The following COL13A1 variants were observed in gnomAD, a reference collection of about 807,000 sequenced individuals.
COL13A1 encodes collagen alpha-1(XIII) chain.
Under a neutral mutation model 130.9 loss-of-function variants are expected in COL13A1, and 89 were observed. The observed-to-expected ratio is 0.68, with a 90% CI of 0.57 to 0.81. The LOEUF is 0.81. Among genes scored for constraint, COL13A1 ranks in the 30% least tolerant of loss-of-function variants. COL13A1 has a pLI of 0.00. For synonymous variants in COL13A1, 402 were observed against 341.6 expected, an observed-to-expected ratio of 1.18 and a Z score of -1.95; for missense variants, 879 against 934.6, an observed-to-expected ratio of 0.94 and a Z score of 0.78.
chr10:69,951,442 C>T (rs2069550633), intron 38 of COL13A1, among the ~76,000 whole-genome samples: 1 of 152,108 alleles, frequency 6.6e-6, no homozygotes, highest in African/African-American at 2.4e-5. Flanking sequence ...TGACTGCTGC[C>T]TCAAACTCTT....
chr10:69,882,307 A>T (rs2060219081), intron 7 of COL13A1, among the ~76,000 whole-genome samples: 1 of 152,174 alleles, frequency 6.6e-6, no homozygotes, highest in South Asian at 2.1e-4. Context: ...TCAGCAAATT[A>T]TGTCAACAGG....
Position 69,861,004 on chromosome 10 carries a change from A to T in COL13A1, c.365-6794A>T, listed in dbSNP as rs374705388. On this transcript the variant is annotated intron_variant, in intron 2 of 40. Transcript: ENST00000645393. ...GTTTTGTTGGGAGGAGAAAGGGAGA[A>T]TGGACGCAGAGGAGGTAACCAAGAA... is the stretch of plus-strand genomic sequence containing the variant. Among the ~76,000 whole-genome samples, 59 of 152,300 alleles carry T rather than the reference A, an allele frequency of 3.9e-4. 1 individual carries two copies. Among genetic ancestry groups the T allele is most frequent in the East Asian group, 3.1e-3 (16 of 5,182 alleles).
chr10:69,873,386 G>A (rs941406396), intron 4 of COL13A1, among the ~76,000 whole-genome samples: 4 of 152,324 alleles, frequency 2.6e-5, no homozygotes, highest in South Asian at 2.1e-4. Flanking sequence ...AAAGGAGGAC[G>A]GGTGAATCGG....
chr10:69,890,393 G>T (rs959637857), intron 10 of COL13A1, among the ~76,000 whole-genome samples: 2 of 152,212 alleles, frequency 1.3e-5, no homozygotes, highest in Non-Finnish European at 2.9e-5. Flanking sequence ...CTGGGCTGGG[G>T]TGCATTTCTG....
intron 15 of COL13A1, among the ~76,000 whole-genome samples, chr10:69,904,081 G>A (rs906663243): frequency 1.3e-5 from 2 of 152,254 alleles, no homozygotes; most frequent in Admixed American, 6.5e-5. Flanking sequence ...CAGAGAGGGG[G>A]GTTAGTCTTA....
At chr10:69,854,910 G>A (rs1189269831) in intron 2 of COL13A1, among the ~76,000 whole-genome samples, 2 of 152,260 alleles carry the variant, frequency 1.3e-5, no homozygotes, top group East Asian at 1.9e-4. Context: ...AGAACCTTGG[G>A]TACTGTACAG....
intron 28 of COL13A1, among the ~76,000 whole-genome samples, chr10:69,929,658 G>T (rs1241609332): frequency 6.6e-6 from 1 of 152,112 alleles, no homozygotes; most frequent in Non-Finnish European, 1.5e-5. Flanking sequence ...AGCACCCTGT[G>T]GAGAGCCAGG....
intron 39 of COL13A1, chr10:69,956,649 G>A (rs1026778758): frequency 3.0e-5 from 7 of 237,178 alleles, no homozygotes; most frequent in African/African-American, 1.1e-4. Flanking sequence ...AACTGAGGCC[G>A]CCTTGTGCTG....
At chr10:69,803,398 G>A (rs1381622407) in intron 1 of COL13A1, among the ~76,000 whole-genome samples, 3 of 152,180 alleles carry the variant, frequency 2.0e-5, no homozygotes, top group African/African-American at 7.2e-5. Context: ...CACTACTAGC[G>A]TGTCAGGTAG....
chr10:69,872,041 A>C lies in COL13A1; in HGVS notation c.373-143A>C, dbSNP rs1035523390. 9.8e-6 allele frequency: 9 copies of C among 918,460 alleles called. No individual in the cohort carries two copies. In the African/African-American group the frequency reaches 1.1e-4, roughly 12 times the overall value. The allele number at this position is 918,460 out of a possible 1,614,324, so 56.9% of individuals were successfully genotyped here. ...GAAGCTTTATAAGCCTTAGCGATCA[A>C]GGCTCCCCCTTCGTTTTGTTCATAA... On this transcript the variant is annotated intron_variant, in intron 3 of 40. Coordinates refer to ENST00000645393, the MANE Select transcript of COL13A1 (RefSeq NM_001368882.1).
At chr10:69,935,606 T>G (rs1300568620) in intron 32 of COL13A1, among the ~76,000 whole-genome samples, 1 of 152,208 alleles carries the variant, frequency 6.6e-6, no homozygotes, top group South Asian at 2.1e-4. Flanking sequence ...TTCCTGGAAA[T>G]AGCTGACTGG....
intron 5 of COL13A1, among the ~76,000 whole-genome samples, chr10:69,875,719 A>C (rs2059509116): frequency 6.6e-6 from 1 of 152,238 alleles, no homozygotes; most frequent in African/African-American, 2.4e-5. Context: ...AGAGAAGGGG[A>C]GATGAGAACG....
intron 1 of COL13A1, among the ~76,000 whole-genome samples, chr10:69,810,133 C>T (rs1196776070): frequency 6.6e-6 from 1 of 152,160 alleles, no homozygotes; most frequent in Non-Finnish European, 1.5e-5. Context: ...AAGTTACTCT[C>T]CCCTCCTTCT....
intron 2 of COL13A1, among the ~76,000 whole-genome samples, chr10:69,829,548 C>A (rs1016798039): frequency 6.6e-6 from 1 of 152,224 alleles, no homozygotes; most frequent in African/African-American, 2.4e-5. Flanking sequence ...ATCAGCCAGT[C>A]CATAAAGCTT....
In COL13A1 at chr10:69,872,173, C is replaced by T; in HGVS notation, c.373-11C>T. On this transcript the variant is annotated splice_polypyrimidine_tract_variant and intron_variant, in intron 3 of 40. Transcript: ENST00000645393. ...CTGCCTGACCTACGTAAACGTCACT[C>T]TTCATTTCAGGGTCCCACTGGAAGA... is the stretch of plus-strand genomic sequence containing the variant. The T allele has an allele frequency of 6.2e-7, 1 of 1,614,026 alleles. No individual in the cohort carries two copies. Among genetic ancestry groups the T allele is most frequent in the Non-Finnish European group, 8.5e-7 (1 of 1,179,880 alleles).
At chr10:69,850,398 T>A (rs1388316664) in intron 2 of COL13A1, among the ~76,000 whole-genome samples, 1 of 17,148 alleles carries the variant, frequency 5.8e-5, no homozygotes, top group Non-Finnish European at 1.9e-4. Context: ...AGGATAACAA[T>A]CCTCTTAAGA....
intron 2 of COL13A1, among the ~76,000 whole-genome samples, chr10:69,852,596 G>A (rs1057283828): frequency 3.3e-5 from 5 of 152,238 alleles, no homozygotes; most frequent in African/African-American, 1.2e-4. Flanking sequence ...CTGTCTGGCT[G>A]AGACTCAGCA....
intron 1 of COL13A1, among the ~76,000 whole-genome samples, chr10:69,811,497 A>G (rs891541403): frequency 2.6e-5 from 4 of 152,200 alleles, no homozygotes; most frequent in African/African-American, 4.8e-5. Flanking sequence ...TCTTCCAGGA[A>G]TAGCTTCATC....
chr10:69,938,382 C>T (rs1022410786), intron 34 of COL13A1, among the ~76,000 whole-genome samples: 7 of 152,146 alleles, frequency 4.6e-5, no homozygotes, highest in Non-Finnish European at 8.8e-5. Context: ...CCACCACCCT[C>T]CCTGGAGCCC....
Sources: allele counts gnomAD v4.1 joint callset (sites outside exome capture counted in the v4.1 genomes callset), GRCh38; gene constraint gnomAD v4.1.1; transcripts MANE v1.5; gene names NCBI Gene and HGNC (gene_info 2026-07-23, HGNC 2026-07-21).